Variants in SEZ6 observed in about 807,000 individuals in gnomAD.
The protein encoded by SEZ6 is seizure related 6 homolog.
Under a neutral mutation model 101.0 loss-of-function variants are expected in SEZ6, and 53 were observed. The ratio of observed to expected loss-of-function variants is 0.52; its 90% CI spans 0.42 to 0.66. SEZ6 has a LOEUF of 0.66. SEZ6 is among the 30% of genes least tolerant of loss of function. The pLI, the probability that SEZ6 is intolerant of heterozygous loss-of-function variation, is 0.00. For synonymous variants in SEZ6, 488 were observed against 512.2 expected, an observed-to-expected ratio of 0.95 and a Z score of 0.64; for missense variants, 1,102 against 1,289.4, an observed-to-expected ratio of 0.85 and a Z score of 2.23.
At chr17:29,000,538 C>A (rs1394738286) in intron 1 of SEZ6, among the ~76,000 whole-genome samples, 1 of 152,000 alleles carries the variant, frequency 6.6e-6, no homozygotes, top group East Asian at 1.9e-4. Flanking sequence ...GTAGATATAC[C>A]CCAGGGCCTG....
At chr17:28,970,603 C>T (rs1048759678) in intron 3 of SEZ6, among the ~76,000 whole-genome samples, 3 of 152,230 alleles carry the variant, frequency 2.0e-5, no homozygotes, top group Non-Finnish European at 4.4e-5. Flanking sequence ...ATCCCCACTG[C>T]CATTCCCCAG....
intron 3 of SEZ6, among the ~76,000 whole-genome samples, chr17:28,972,573 G>A (rs564039077): frequency 1.3e-5 from 2 of 152,346 alleles, no homozygotes; most frequent in Admixed American, 6.5e-5. Context: ...TCTCCTCTCT[G>A]TGAGAAACTC....
In SEZ6 at chr17:28,955,778, A is replaced by G; in HGVS notation, c.*184T>C. ...GCCCCAAGTGGGCAATGACACCAAG[A>G]AAATAGGCCATGGTGGGCATCGCAG... is the stretch of plus-strand genomic sequence containing the variant. On this transcript the variant is annotated 3_prime_UTR_variant, in exon 17 of 17. Transcript: ENST00000317338. 1.3e-6 allele frequency: 1 copy of G among 753,806 alleles called. No individual in the cohort carries two copies. Among genetic ancestry groups the G allele is most frequent in the South Asian group, 1.5e-5 (1 of 67,728 alleles). 46.7% of individuals were successfully genotyped at this position (753,806 alleles called of 1,614,324 possible). A position where few individuals can be genotyped will look rare whatever the true frequency, so the allele number is the denominator to read the frequency against.
At chr17:28,988,185 G>A (rs759896852) in intron 1 of SEZ6, among the ~76,000 whole-genome samples, 20 of 152,148 alleles carry the variant, frequency 1.3e-4, no homozygotes, top group Admixed American at 3.9e-4. Flanking sequence ...CTACTCCTTT[G>A]TCTCTGCAAA....
intron 1 of SEZ6, among the ~76,000 whole-genome samples, chr17:29,004,171 G>T (rs1007028551): frequency 7.9e-5 from 12 of 152,186 alleles, no homozygotes; most frequent in Non-Finnish European, 1.3e-4. Flanking sequence ...CTCTAGTCAT[G>T]CAGGGCCCTG....
chr17:28,974,516 T>C (rs2041195941), intron 3 of SEZ6, among the ~76,000 whole-genome samples: 1 of 152,194 alleles, frequency 6.6e-6, no homozygotes, highest in South Asian at 2.1e-4. Flanking sequence ...ATCCATTATC[T>C]CTTCAGCTCT....
At chr17:28,979,510 C>T (rs1425602648) in intron 3 of SEZ6, among the ~76,000 whole-genome samples, 170 bp downstream of exon 3, 1 of 152,266 alleles carries the variant, frequency 6.6e-6, no homozygotes, top group African/African-American at 2.4e-5. Flanking sequence ...CATTGCCAAA[C>T]ACACGGGGCA....
chr17:28,965,819 G>A (rs1217150326), intron 4 of SEZ6, among the ~76,000 whole-genome samples: 2 of 152,110 alleles, frequency 1.3e-5, no homozygotes, highest in African/African-American at 4.8e-5. Context: ...GGCATATCCC[G>A]ATCCTGGGGT....
intron 3 of SEZ6, among the ~76,000 whole-genome samples, chr17:28,976,639 TG>T (rs1567992241): frequency 6.6e-6 from 1 of 152,188 alleles, no homozygotes; most frequent in Non-Finnish European, 1.5e-5. Context: ...GTGTCCAGCA[TG>T]GCCTGACACA....
At chr17:29,004,611 C>T (rs1358404090) in intron 1 of SEZ6, among the ~76,000 whole-genome samples, 1 of 152,170 alleles carries the variant, frequency 6.6e-6, no homozygotes, top group Non-Finnish European at 1.5e-5. Flanking sequence ...TCCCTGGCCG[C>T]GCTGCCTTGA....
chr17:28,956,432 C>T lies in SEZ6; in HGVS notation c.2767G>A (p.Ala923Thr), dbSNP rs200881136. Reference sequence around the variant, plus strand: ...AAGATGGCAGCTGCAATGTGGGCAGCATCCAGGGTGCTGGAGGCAGCAGGT... The same window carrying T: ...AAGATGGCAGCTGCAATGTGGGCAGTATCCAGGGTGCTGGAGGCAGCAGGT... ...KAPAASSTLD[A>T]AHIAAAIFLP... is the part of the protein sequence containing the mutation. The change falls in exon 15 of 17, where the codon GCT becomes ACT. Residue 923 changes from alanine to threonine, a missense_variant. Physicochemically the swap from Ala to Thr is moderately conservative, Grantham distance 58 (BLOSUM62 0). This residue lies in a region of SEZ6 where 140 missense variants were observed against 135.7 expected (regional missense o/e 1.03). Transcript: ENST00000317338. 332 of 1,562,648 alleles carry T rather than the reference C, an allele frequency of 2.1e-4. No individual in the cohort carries two copies. Among genetic ancestry groups the T allele is most frequent in the Non-Finnish European group, 2.4e-4 (272 of 1,153,666 alleles).
chr17:28,999,876 C>G (rs920673466), intron 1 of SEZ6, among the ~76,000 whole-genome samples: 1 of 152,212 alleles, frequency 6.6e-6, no homozygotes, highest in African/African-American at 2.4e-5. Flanking sequence ...ACCTGACTCC[C>G]AGCCCCTTAT....
intron 5 of SEZ6, 94 bp downstream of exon 5, chr17:28,963,868 A>G: frequency 6.9e-7 from 1 of 1,456,418 alleles, no homozygotes; most frequent in Admixed American, 2.0e-5. Context: ...CCTTATGAAG[A>G]GCAAATGAAA....
At chr17:28,982,104 C>A (rs2041316426) in intron 1 of SEZ6, 65 bp from the exon 2 acceptor site, 1 of 1,491,228 alleles carries the variant, frequency 6.7e-7, no homozygotes. Context: ...ACGCCCAACT[C>A]GAGTAGTGGG....
chr17:28,955,153 A>G lies in SEZ6; in HGVS notation c.*809T>C, dbSNP rs1425930847. 9 of 159,352 alleles carry G rather than the reference A, an allele frequency of 5.6e-5. No homozygotes were observed. Among genetic ancestry groups the G allele is most frequent in the African/African-American group, 2.4e-5 (1 of 41,404 alleles). The allele number at this position is 159,352 out of a possible 1,614,324, so 9.9% of individuals were successfully genotyped here. A position where few individuals can be genotyped will look rare whatever the true frequency, so the allele number is the denominator to read the frequency against. On this transcript the variant is annotated 3_prime_UTR_variant, in exon 17 of 17. Coordinates refer to ENST00000317338, the MANE Select transcript of SEZ6 (RefSeq NM_178860.5). ...ACCCCCTCCCCTTATCCCATAACACAGTGGTCAAGAGGAGAGCCTGACAAG... is the reference window on the plus strand; with the variant it reads ...ACCCCCTCCCCTTATCCCATAACACGGTGGTCAAGAGGAGAGCCTGACAAG...
intron 1 of SEZ6, among the ~76,000 whole-genome samples, chr17:28,985,087 C>A (rs1225027733): frequency 6.6e-6 from 1 of 152,190 alleles, no homozygotes; most frequent in Non-Finnish European, 1.5e-5. Flanking sequence ...CTCGCAGTGA[C>A]GCAGCTGGGA....
In SEZ6 at chr17:28,969,841, G is replaced by C; in HGVS notation, c.970C>G (p.Arg324Gly). Residue 324 changes from arginine (R) to glycine (G), a missense_variant, in exon 4 of 17, where the codon CGC becomes GGC. Arg to Gly is a moderately radical substitution (Grantham distance 125). Transcript: ENST00000317338. ...QSFLLRGQVI[R>G]SPTHQAALRF... ...AGGGCCGCTTGGTGGGTGGGGCTGC[G>C]GATGACTTGGCCCCGCAGCAGGAAA... 1 of 1,531,934 alleles carries C rather than the reference G, an allele frequency of 6.5e-7. No individual in the cohort carries two copies. The highest frequency in any genetic ancestry group is 8.7e-7 in the Non-Finnish European group (1 of 1,149,994). 94.9% of individuals were successfully genotyped at this position (1,531,934 alleles called of 1,614,324 possible). A position where few individuals can be genotyped will look rare whatever the true frequency, so the allele number is the denominator to read the frequency against.
chr17:29,003,351 G>C (rs545529455), intron 1 of SEZ6, among the ~76,000 whole-genome samples: 1 of 152,306 alleles, frequency 6.6e-6, no homozygotes, highest in East Asian at 1.9e-4. Context: ...GAAGGGAATA[G>C]GGGACTGAGC....
rs374947318 is a variant in SEZ6, at chr17:28,957,984, G to C, written c.2265C>G (p.Asp755Glu). ...AGGGCAGGTCCTCACTCCAAGTTAG[G>C]TCCCACTGGCACATGAGGACACTGG... ...VGSSVLMCQW[D>E]LTWSEDLPSC... is the part of the protein sequence containing the mutation. The change falls in exon 11 of 17, where the codon GAC (aspartate) becomes GAG (glutamate). Residue 755 changes from aspartate to glutamate, a missense_variant. Coordinates refer to ENST00000317338, the MANE Select transcript of SEZ6 (RefSeq NM_178860.5). 5.4e-5 allele frequency: 87 copies of C among 1,613,816 alleles called. No homozygotes were observed. The highest frequency in any genetic ancestry group is 6.8e-5 in the Non-Finnish European group (80 of 1,179,858).
Sources: gnomAD v4.1 joint callset for allele counts (sites outside exome capture counted in the v4.1 genomes callset) on GRCh38, gnomAD v4.1.1 for gene constraint, gnomAD v4.1.1 regional missense constraint, MANE v1.5 for transcripts, NCBI Gene and HGNC (gene_info 2026-07-23, HGNC 2026-07-21) for gene names.